Variants in TNRC6B observed in about 807,000 individuals in gnomAD.
TNRC6B encodes trinucleotide repeat-containing gene 6B protein.
Under a neutral mutation model 203.6 loss-of-function variants are expected in TNRC6B, and 52 were observed. The ratio of observed to expected loss-of-function variants is 0.26; its 90% CI spans 0.20 to 0.32. TNRC6B has a LOEUF of 0.32. Ranked by LOEUF, TNRC6B falls within the 10% of genes least tolerant of loss-of-function variation. TNRC6B has a pLI of 1.00. For missense variants in TNRC6B, 1,923 were observed against 2,286.2 expected (o/e 0.84, Z 3.24); for synonymous variants, 838 against 845.7 (o/e 0.99, Z 0.16).
intron 15 of TNRC6B, among the ~76,000 whole-genome samples, chr22:40,305,809 G>A (rs931152349): frequency 6.6e-6 from 1 of 152,038 alleles, no homozygotes; most frequent in African/African-American, 2.4e-5. Flanking sequence ...TTTCTCTAAG[G>A]TTCTTGCCTT....
intron 1 of TNRC6B, among the ~76,000 whole-genome samples, chr22:40,064,174 C>T (rs1569247899): frequency 1.3e-5 from 2 of 152,094 alleles, no homozygotes; most frequent in Admixed American, 6.5e-5. Flanking sequence ...TTTCTTTATA[C>T]AGGATCATGT....
chr22:40,225,313 A>G (rs1450292706), intron 1 of TNRC6B, among the ~76,000 whole-genome samples: 1 of 152,230 alleles, frequency 6.6e-6, no homozygotes, highest in South Asian at 2.1e-4. Flanking sequence ...AAATACAAAA[A>G]TACTGTATGC....
intron 3 of TNRC6B, among the ~76,000 whole-genome samples, chr22:40,259,096 G>A (rs1003558379): frequency 6.6e-6 from 1 of 152,114 alleles, no homozygotes; most frequent in Non-Finnish European, 1.5e-5. Flanking sequence ...AGGGGATTGC[G>A]AATGCCCTGT....
At chr22:40,200,745 A>G (rs1005180958) in intron 1 of TNRC6B, among the ~76,000 whole-genome samples, 2 of 152,134 alleles carry the variant, frequency 1.3e-5, no homozygotes, top group African/African-American at 2.4e-5. Context: ...TATTTATGAT[A>G]TGCTAGGCAC....
At position 40,265,133 on chromosome 22, in the gene TNRC6B, C is replaced by T; in HGVS notation, c.903C>T (p.Asn301=). The change falls in exon 5 of 23, where the codon AAC becomes AAT. Residue 301 remains asparagine, a synonymous_variant. Coordinates refer to ENST00000454349, the MANE Select transcript of TNRC6B (RefSeq NM_001162501.2). ...DRIGPGSGFS[N]FNPNSNPSAW... ...TTGGACCTGGCTCTGGCTTCAGCAA[C>T]TTTAACCCAAATAGCAACCCATCTG... 6.2e-7 allele frequency: 1 copy of T among 1,614,004 alleles called. No homozygotes were observed. The highest frequency in any genetic ancestry group is 8.5e-7 in the Non-Finnish European group (1 of 1,179,874).
rs577342837 is a variant in TNRC6B, at chr22:40,148,499, A to G, written c.46-7616A>G. Among the ~76,000 whole-genome samples the G allele has an allele frequency of 4.9e-4, 75 of 152,068 alleles. 1 individual carries two copies. The highest frequency in any genetic ancestry group is 1.7e-3 in the Admixed American group (26 of 15,254). ...GAGTTTCACCATGTTGGCCAGGATG[A>G]TCTCAATCTCTTGACCTTGTGATCT... On this transcript the variant is annotated intron_variant, in intron 3 of 23. Coordinates refer to the TNRC6B transcript ENST00000301923.
chr22:40,284,811 C>G (rs994401024), intron 11 of TNRC6B, among the ~76,000 whole-genome samples: 1 of 152,190 alleles, frequency 6.6e-6, no homozygotes, highest in Non-Finnish European at 1.5e-5. Context: ...GAAAGAACCT[C>G]AGGCAGAGAG....
chr22:40,088,749 C>T (rs1200914968), intron 1 of TNRC6B, among the ~76,000 whole-genome samples: 2 of 151,744 alleles, frequency 1.3e-5, no homozygotes, highest in East Asian at 3.9e-4. Flanking sequence ...GCCACCTTGC[C>T]CAGCCAATTT....
chr22:40,265,541 C>T lies in TNRC6B; in HGVS notation c.1311C>T (p.Val437=). The T allele has an allele frequency of 6.2e-7, 1 of 1,613,856 alleles. No homozygotes were observed. Among genetic ancestry groups the T allele is most frequent in the Non-Finnish European group, 8.5e-7 (1 of 1,179,866 alleles). The stretch of plus-strand genomic sequence containing the variant: ...GGGGGCCTTCTGGAACTGACACAGT[C>T]TCTGGACAAAGCAATTCTGGAAACA... ...AARGPSGTDT[V]SGQSNSGNNG... is the part of the protein sequence containing the mutation. The change falls in exon 5 of 23, where the codon GTC becomes GTT. Residue 437 remains valine, a synonymous_variant. Transcript: ENST00000454349.
chr22:40,311,706 T>A (rs766016300), intron 17 of TNRC6B, among the ~76,000 whole-genome samples: 9 of 152,128 alleles, frequency 5.9e-5, no homozygotes, highest in South Asian at 2.1e-4. Flanking sequence ...CACGCCTGGC[T>A]AATTTTTTGT....
chr22:40,290,700 TC>T (rs2070858830), intron 12 of TNRC6B, among the ~76,000 whole-genome samples: 1 of 151,984 alleles, frequency 6.6e-6, no homozygotes, highest in African/African-American at 2.4e-5. Context: ...TTGTCTTTTC[TC>T]CCTCTCTGCC....
intron 21 of TNRC6B, among the ~76,000 whole-genome samples, chr22:40,320,204 A>G (rs2071316681): frequency 6.6e-6 from 1 of 152,184 alleles, no homozygotes; most frequent in African/African-American, 2.4e-5. Context: ...TTGATGGGAC[A>G]GGCGCGGTGG....
At chr22:40,259,182 C>T (rs1338186446) in intron 3 of TNRC6B, among the ~76,000 whole-genome samples, 2 of 152,062 alleles carry the variant, frequency 1.3e-5, no homozygotes, top group Non-Finnish European at 2.9e-5. Flanking sequence ...AGTTATGTAT[C>T]CATCTGTTGT....
chr22:40,265,877 C>G lies in TNRC6B; in HGVS notation c.1647C>G (p.Asn549Lys). The change falls in exon 5 of 23, where the codon AAC becomes AAG. Residue 549 changes from asparagine (N) to lysine (K), a missense_variant. Transcript: ENST00000454349. ...AAAAGGGCCACCCCCTCCCTGAAAA[C>G]CAAGGCAATGCCCAGGCTCCCTGTT... is the stretch of plus-strand genomic sequence containing the variant. ...DNQKGHPLPENQGNAQAPCWG... is the reference protein window; with the variant it reads ...DNQKGHPLPEKQGNAQAPCWG... 3.7e-6 allele frequency: 6 copies of G among 1,614,004 alleles called. No individual in the cohort carries two copies. The South Asian group carries it at 4.4e-5, about 12-fold the overall frequency.
chr22:40,304,790 A>G (rs1012417948), intron 15 of TNRC6B, among the ~76,000 whole-genome samples: 1 of 152,222 alleles, frequency 6.6e-6, no homozygotes, highest in South Asian at 2.1e-4. Context: ...TATTTGGTAT[A>G]TCCCTGTGAA....
At chr22:40,232,558 T>TG (rs1203383154) in intron 1 of TNRC6B, among the ~76,000 whole-genome samples, 1 of 152,192 alleles carries the variant, frequency 6.6e-6, no homozygotes, top group Non-Finnish European at 1.5e-5. Flanking sequence ...CATCTCTCCT[T>TG]GTTCGAGTTT....
At chr22:40,210,834 TG>T (rs1453365921) in intron 1 of TNRC6B, among the ~76,000 whole-genome samples, 1 of 152,206 alleles carries the variant, frequency 6.6e-6, no homozygotes, top group Admixed American at 6.5e-5. Flanking sequence ...AAATGACATT[TG>T]GGGCTGGGTA....
rs944569695 is a variant in TNRC6B, at chr22:40,198,628, C to T, written c.5+20488C>T. Among the ~76,000 whole-genome samples the T allele has an allele frequency of 2.6e-5, 4 of 152,166 alleles. No individual in the cohort carries two copies. In the East Asian group the frequency reaches 5.8e-4, roughly 22 times the overall value. On this transcript the variant is annotated intron_variant, in intron 1 of 22. Coordinates refer to ENST00000454349, the MANE Select transcript of TNRC6B (RefSeq NM_001162501.2). ...GTATGTTCAGGATAATGGCCCCCAG[C>T]AGCTCTCACTGTTGAAGAACATTAC...
chr22:40,323,228 C>A lies in TNRC6B; in HGVS notation c.5489C>A (p.Ser1830Ter). 6.2e-7 allele frequency: 1 copy of A among 1,611,282 alleles called. No individual in the cohort carries two copies. Among genetic ancestry groups the A allele is most frequent in the South Asian group, 1.1e-5 (1 of 90,938 alleles). ...CCTGGTGACCTTCTGGGAGGAGGGT[C>A]GGATTCAATCTGAACTTAGAACTTT... is the stretch of plus-strand genomic sequence containing the variant. ...LLPGDLLGGG[S>*]DSI is the part of the protein sequence containing the mutation. The change falls in exon 23 of 23, where the codon TCG becomes TAG. Residue 1830 changes from serine to a stop codon, truncating the protein, a stop_gained. Transcript: ENST00000454349. LOFTEE classifies it high-confidence loss of function.
Sources: gnomAD v4.1 joint callset for allele counts (sites outside exome capture counted in the v4.1 genomes callset) on GRCh38, gnomAD v4.1.1 for gene constraint, MANE v1.5 for transcripts, NCBI Gene and HGNC (gene_info 2026-07-23, HGNC 2026-07-21) for gene names.